Variants in TEF observed in about 807,000 individuals in gnomAD.
TEF encodes the protein thyrotroph embryonic factor.
TEF carries 3 observed loss-of-function variants against 20.8 expected under a neutral mutation model. The observed-to-expected ratio is 0.14, with a 90% CI of 0.07 to 0.37. The LOEUF is 0.37. TEF is among the 10% of genes least tolerant of loss of function. The pLI, the probability that TEF is intolerant of heterozygous loss-of-function variation, is 1.00. For synonymous variants in TEF, 180 were observed against 171.1 expected, an observed-to-expected ratio of 1.05 and a Z score of -0.41; for missense variants, 296 against 397.9, an observed-to-expected ratio of 0.74 and a Z score of 2.18.
In TEF at chr22:41,397,199, C is replaced by CA. The variant is rs1302631290; in HGVS notation, c.*1240dup. 2.5e-6 allele frequency: 1 copy of CA among 398,244 alleles called. No individual in the cohort carries two copies. Among genetic ancestry groups the CA allele is most frequent in the East Asian group, 3.6e-5 (1 of 28,072 alleles). The allele number at this position is 398,244 out of a possible 1,614,324, so 24.7% of individuals were successfully genotyped here. A position where few individuals can be genotyped will look rare whatever the true frequency, so the allele number is the denominator to read the frequency against. On this transcript the variant is annotated 3_prime_UTR_variant, in exon 4 of 4. Transcript: ENST00000266304. ...CTTTTACACAGGCCTAGGGTCCCCTCAGTCTTGGTCCCAGGAGATGGGGGC... is the reference window on the plus strand; with the variant it reads ...CTTTTACACAGGCCTAGGGTCCCCTCAAGTCTTGGTCCCAGGAGATGGGGGC...
intron 2 of TEF, among the ~76,000 whole-genome samples, 181 bp downstream of exon 2, chr22:41,387,849 A>T (rs897262519): frequency 5.3e-5 from 8 of 152,048 alleles, no homozygotes; most frequent in African/African-American, 1.9e-4. Context: ...GAGGCTGGAG[A>T]TAAAAATAGT....
At chr22:41,386,780 A>G (rs1021204353) in intron 1 of TEF, among the ~76,000 whole-genome samples, 50 of 151,670 alleles carry the variant, frequency 3.3e-4, no homozygotes, top group African/African-American at 1.2e-3. Flanking sequence ...CAGGCCAGGC[A>G]TAGTGGCTCA....
chr22:41,369,000 C>A, intron 1 of TEF: 3 of 945,532 alleles, frequency 3.2e-6, no homozygotes, highest in Non-Finnish European at 3.8e-6. Flanking sequence ...TTTCCAAAAG[C>A]TAAGGTAGAG....
At chr22:41,392,227 T>C (rs2037175066) in intron 2 of TEF, among the ~76,000 whole-genome samples, 1 of 152,160 alleles carries the variant, frequency 6.6e-6, no homozygotes, top group Admixed American at 6.5e-5. Context: ...GTGTCCACTA[T>C]TAAATGGCAG....
At chr22:41,382,482 C>CT (rs143740653) in intron 1 of TEF, among the ~76,000 whole-genome samples, 5,042 of 152,064 alleles carry the variant, frequency 0.033, 270 homozygotes, top group African/African-American at 0.11. Flanking sequence ...TCCAGGGCCC[C>CT]TCCCCCGGGG....
At chr22:41,393,511 C>G (rs1452738044) in intron 2 of TEF, among the ~76,000 whole-genome samples, 2 of 152,104 alleles carry the variant, frequency 1.3e-5, no homozygotes, top group African/African-American at 4.8e-5. Context: ...AATCCCAGCA[C>G]TTTGGGAGGC....
Position 41,387,366 on chromosome 22 carries a change from A to G in TEF, c.173A>G (p.Lys58Arg). Residue 58 changes from lysine (K) to arginine (R), a missense_variant, in exon 2 of 4, where the codon AAG (lysine) becomes AGG (arginine). Around this residue, in one of 2 missense-constraint regions of TEF, gnomAD observed 102 missense variants for 80.1 expected, o/e 1.27. Coordinates refer to ENST00000266304, the MANE Select transcript of TEF (RefSeq NM_003216.4). ...GTTTCTGCAGATAAGGAAAAGGGGAAGGAAAAGCTGGAGGAGGACGAGGCC... is the reference window on the plus strand; with the variant it reads ...GTTTCTGCAGATAAGGAAAAGGGGAGGGAAAAGCTGGAGGAGGACGAGGCC... ...REARLDKEKG[K>R]EKLEEDEAAA... 3 of 1,614,212 alleles carry G rather than the reference A, an allele frequency of 1.9e-6. No homozygotes were observed. Among genetic ancestry groups the G allele is most frequent in the Non-Finnish European group, 2.5e-6 (3 of 1,180,034 alleles).
At chr22:41,370,031 C>A (rs1486460536) in intron 1 of TEF, 3 of 985,356 alleles carry the variant, frequency 3.0e-6, no homozygotes, top group Non-Finnish European at 3.6e-6. Context: ...GGAAAGTCTG[C>A]GGAGTGTGAG....
At chr22:41,390,056 C>T (rs1973593095) in intron 2 of TEF, among the ~76,000 whole-genome samples, 1 of 152,014 alleles carries the variant, frequency 6.6e-6, no homozygotes, top group South Asian at 2.1e-4. Context: ...TGCGCCACCA[C>T]TCCTGGCTTA....
intron 1 of TEF, chr22:41,367,721 G>A (rs2036837944): frequency 5.2e-6 from 5 of 956,046 alleles, no homozygotes; most frequent in Admixed American, 2.4e-5. Flanking sequence ...GCAGTGGTGC[G>A]CCCTTGGTCT....
At chr22:41,373,014 C>T (rs1043837016) in intron 1 of TEF, among the ~76,000 whole-genome samples, 1 of 152,170 alleles carries the variant, frequency 6.6e-6, no homozygotes, top group Non-Finnish European at 1.5e-5. Context: ...GAAGGGCGAG[C>T]ACCTGCAGAG....
At chr22:41,375,332 T>A (rs1328756822) in intron 1 of TEF, among the ~76,000 whole-genome samples, 1 of 152,132 alleles carries the variant, frequency 6.6e-6, no homozygotes, top group African/African-American at 2.4e-5. Flanking sequence ...GGCACAGGTA[T>A]GTGGGCTAAA....
chr22:41,382,013 A>G lies in TEF; in HGVS notation c.-32A>G, dbSNP rs978408247. The G allele has an allele frequency of 8.2e-7, 1 of 1,223,824 alleles. No individual in the cohort carries two copies. Among genetic ancestry groups the G allele is most frequent in the East Asian group, 3.2e-5 (1 of 31,262 alleles). 75.8% of individuals were successfully genotyped at this position (1,223,824 alleles called of 1,614,324 possible). On this transcript the variant is annotated 5_prime_UTR_variant, in exon 1 of 4. Coordinates refer to ENST00000266304, the MANE Select transcript of TEF (RefSeq NM_003216.4). Reference sequence around the variant, plus strand: ...GCCCATCTCGGGGGGCGGGCGGGGGAGGCGAGGTGCGCGAGCCGAGTCCGG... The same window carrying G: ...GCCCATCTCGGGGGGCGGGCGGGGGGGGCGAGGTGCGCGAGCCGAGTCCGG...
chr22:41,395,951 G>T lies in TEF; in HGVS notation c.903G>T (p.Gly301=). Residue 301 remains glycine (G), a synonymous_variant, in exon 4 of 4, where the codon GGG becomes GGT. Transcript: ENST00000266304. ...TGTCCAAGTATGAGACCAAATACGG[G>T]CCCTTGTAACCCGTGCCCCCCGCCC... The part of the protein sequence containing the change: ...TIVSKYETKY[G]PL 2 of 1,612,518 alleles carry T rather than the reference G, an allele frequency of 1.2e-6. No individual in the cohort carries two copies. Among genetic ancestry groups the T allele is most frequent in the African/African-American group, 1.3e-5 (1 of 75,022 alleles).
chr22:41,397,748 T>A lies in TEF; in HGVS notation c.*1788T>A, dbSNP rs1282658689. 6.6e-6 allele frequency: 1 copy of A among 152,214 alleles called. No homozygotes were observed. The highest frequency in any genetic ancestry group is 1.5e-5 in the Non-Finnish European group (1 of 68,042). The allele number at this position is 152,214 out of a possible 1,614,324, so 9.4% of individuals were successfully genotyped here. On this transcript the variant is annotated 3_prime_UTR_variant, in exon 4 of 4. Transcript: ENST00000266304. ...ATTGTAACCACACAGGGCAGGCGCA[T>A]CCAGCATGTCAGTGTCCTGCCCCGG...
At chr22:41,377,199 A>C (rs2036953063), upstream of TEF, 1 of 152,142 alleles carries the variant, frequency 6.6e-6, no homozygotes, top group Non-Finnish European at 1.5e-5. Context: ...CGCTTCACGA[A>C]TCTGCATGTC....
intron 2 of TEF, among the ~76,000 whole-genome samples, chr22:41,389,640 T>G (rs1448560365): frequency 1.3e-5 from 2 of 151,956 alleles, no homozygotes; most frequent in African/African-American, 2.4e-5. Flanking sequence ...TAAAAGTTTT[T>G]TTTTTTTTTC....
chr22:41,380,798 TA>T (rs1295621373), upstream of TEF, among the ~76,000 whole-genome samples: 1 of 152,206 alleles, frequency 6.6e-6, no homozygotes, highest in Non-Finnish European at 1.5e-5. Context: ...GGAGGCTTTA[TA>T]TTTTAAGAGA....
intron 1 of TEF, 83 bp downstream of exon 1, chr22:41,382,284 C>T (rs2037040736): frequency 9.0e-7 from 1 of 1,111,634 alleles, no homozygotes; most frequent in East Asian, 3.4e-5. Flanking sequence ...GCCGGGGAGG[C>T]AGTGGGTCAG....
Sources: allele counts gnomAD v4.1 joint callset (sites outside exome capture counted in the v4.1 genomes callset), GRCh38; gene constraint gnomAD v4.1.1; regional missense constraint gnomAD v4.1.1; transcripts MANE v1.5; gene names NCBI Gene and HGNC (gene_info 2026-07-23, HGNC 2026-07-21).